Variants in CDH26 observed in about 807,000 individuals in gnomAD.
The protein encoded by CDH26 is cadherin 26.
Under a neutral mutation model 90.3 loss-of-function variants are expected in CDH26, and 83 were observed. That is an observed-to-expected ratio of 0.92 (90% CI 0.77 to 1.10). The LOEUF (loss-of-function observed/expected upper bound fraction) is 1.10, where lower values mean the gene tolerates loss of function less well. CDH26 is among the 50% of genes least tolerant of loss of function. The pLI, the probability that CDH26 is intolerant of heterozygous loss-of-function variation, is 0.00. For missense variants in CDH26, 1,013 were observed against 1,037.6 expected (o/e 0.98, Z 0.33); for synonymous variants, 397 against 396.3 (o/e 1.00, Z -0.02).
At position 60,031,419 on chromosome 20, in the gene CDH26, C is replaced by T. The variant is rs115087347; in HGVS notation, c.1137C>T (p.His379=). Residue 379 remains histidine, a synonymous_variant, in exon 8 of 9, where the codon CAC becomes CAT. Transcript: ENST00000370991. The stretch of plus-strand genomic sequence containing the variant: ...CTTTCAAGAAAGTTGTTTATGACCA[C>T]AAGGAAGGTTTGAGTCTCTATATTT... 1,395 of 1,160,032 alleles carry T rather than the reference C, an allele frequency of 1.2e-3. 15 individuals carry two copies. The African/African-American group carries it at 0.02, about 17-fold the overall frequency. The allele number at this position is 1,160,032 out of a possible 1,614,324, so 71.9% of individuals were successfully genotyped here.
intron 9 of CDH26, among the ~76,000 whole-genome samples, chr20:59,992,000 G>C (rs2061533408): frequency 6.6e-6 from 1 of 152,198 alleles, no homozygotes; most frequent in Non-Finnish European, 1.5e-5. Context: ...AAAGTCCTAG[G>C]TTTCTGTTGC....
At chr20:59,987,331 G>A in intron 7 of CDH26, 122 bp from the exon 8 acceptor site, 1 of 810,618 alleles carries the variant, frequency 1.2e-6, no homozygotes, top group Non-Finnish European at 1.9e-6. Context: ...GTGATGAGGA[G>A]CAACATTCTT....
At position 59,989,163 on chromosome 20, in the gene CDH26, G is replaced by A; in HGVS notation, c.1283G>A (p.Arg428Lys). Residue 428 changes from arginine to lysine, a missense_variant and splice_region_variant, in exon 9 of 18, where the codon AGA becomes AAA. Arg to Lys is a conservative substitution (Grantham distance 26, BLOSUM62 2). Coordinates refer to ENST00000348616, the MANE Select transcript of CDH26 (RefSeq NM_177980.4). ...GCCATGGATCCAGACAGCCAGATAAGGTGAGAAGAGAGGGCCAAGAAGGGC... is the reference window on the plus strand; with the variant it reads ...GCCATGGATCCAGACAGCCAGATAAAGTGAGAAGAGAGGGCCAAGAAGGGC... Reference protein sequence around the residue: ...FNAMDPDSQIRYELVHDPANW... With the variant: ...FNAMDPDSQIKYELVHDPANW... The A allele has an allele frequency of 6.2e-7, 1 of 1,613,812 alleles. No homozygotes were observed. Among genetic ancestry groups the A allele is most frequent in the East Asian group, 2.2e-5 (1 of 44,876 alleles).
intron 3 of CDH26, among the ~76,000 whole-genome samples, chr20:59,970,764 C>G (rs902648854): frequency 6.6e-6 from 1 of 151,196 alleles, no homozygotes; most frequent in Admixed American, 6.6e-5. Context: ...GAGCCAAGAT[C>G]GCACCACTGC....
intron 4 of CDH26, among the ~76,000 whole-genome samples, chr20:59,973,225 G>C (rs1270923612): frequency 6.6e-6 from 1 of 152,202 alleles, no homozygotes; most frequent in African/African-American, 2.4e-5. Context: ...TGCATGTCTA[G>C]CAAGCTCCAG....
intron 7 of CDH26, among the ~76,000 whole-genome samples, chr20:60,021,523 A>G (rs2061951397): frequency 6.6e-6 from 1 of 152,206 alleles, no homozygotes; most frequent in Non-Finnish European, 1.5e-5. Flanking sequence ...AGATGTATTC[A>G]TACCTTACAT....
rs770366539 is a variant in CDH26, at chr20:59,972,089, G to T, written c.359G>T (p.Arg120Leu). The T allele has an allele frequency of 1.2e-6, 2 of 1,613,854 alleles. No individual in the cohort carries two copies. The highest frequency in any genetic ancestry group is 8.5e-7 in the Non-Finnish European group (1 of 1,179,910). ...DHENGRIYVH[R>L]PVDREMTPSF... ...GAGAACGGAAGGATATATGTTCACC[G>T]CCCTGTCGATCGAGAAATGACACCA... Residue 120 changes from arginine (R) to leucine (L), a missense_variant, in exon 4 of 18, where the codon CGC (arginine) becomes CTC (leucine). By Grantham distance (102) the Arg-to-Leu change is moderately radical (BLOSUM62 -2). Transcript: ENST00000348616.
chr20:60,021,887 C>CATATAT (rs1446703881), intron 7 of CDH26, among the ~76,000 whole-genome samples: 5 of 88,132 alleles, frequency 5.7e-5, no homozygotes, highest in African/African-American at 1.9e-4. Context: ...CACACACACA[C>CATATAT]ACACACACAC....
At chr20:59,971,353 A>G (rs1003145285) in intron 3 of CDH26, among the ~76,000 whole-genome samples, 16 of 152,202 alleles carry the variant, frequency 1.1e-4, no homozygotes, top group African/African-American at 3.1e-4. Flanking sequence ...TCATCTGTAC[A>G]ATGCGGTCAA....
chr20:59,971,909 A>G (rs2061265901), intron 3 of CDH26, 53 bp from the exon 4 acceptor site: 1 of 1,429,454 alleles, frequency 7.0e-7, no homozygotes, highest in Non-Finnish European at 9.7e-7. Flanking sequence ...TGATTATCAT[A>G]GTGGCTTATT....
downstream of CDH26, among the ~76,000 whole-genome samples, chr20:60,017,660 T>G (rs902731758): frequency 6.6e-6 from 1 of 152,040 alleles, no homozygotes; most frequent in African/African-American, 2.4e-5. Flanking sequence ...GGGTTTCATT[T>G]CTTCTTGAAT....
At chr20:60,033,772 G>GGTGTGT (rs2062062973) in exon 9 of CDH26, 1 of 699,934 alleles carries the variant, frequency 1.4e-6, no homozygotes, top group Non-Finnish European at 1.8e-6. Context: ...AGGTAGACAA[G>GGTGTGT]ATGTGTGTGT....
chr20:59,974,803 G>A (rs1164528974), intron 4 of CDH26, among the ~76,000 whole-genome samples: 7 of 152,118 alleles, frequency 4.6e-5, no homozygotes, highest in South Asian at 2.1e-4. Flanking sequence ...GTCACTCTCC[G>A]TCTCATTACC....
rs6071044 is a variant in CDH26 at position 59,958,704 on chromosome 20, G to A, written c.-23G>A. ...GGACTGGTCATCAGCTGCACGTTCT[G>A]GGTCTGTCTTGGGTATTCCCATATG... On this transcript the variant is annotated 5_prime_UTR_variant, in exon 1 of 18. Transcript: ENST00000348616. 5.6e-6 allele frequency: 9 copies of A among 1,613,072 alleles called. 1 individual carries two copies. In the South Asian group the frequency reaches 9.9e-5, roughly 18 times the overall value.
chr20:59,958,766 C>T lies in CDH26; in HGVS notation c.40C>T (p.Leu14Phe). 1.2e-6 allele frequency: 2 copies of T among 1,614,086 alleles called. No homozygotes were observed. Among genetic ancestry groups the T allele is most frequent in the Non-Finnish European group, 1.7e-6 (2 of 1,179,984 alleles). The change falls in exon 1 of 18, where the codon CTT becomes TTT. Residue 14 changes from leucine to phenylalanine, a missense_variant. By Grantham distance (22) the Leu-to-Phe change is conservative. Coordinates refer to ENST00000348616, the MANE Select transcript of CDH26 (RefSeq NM_177980.4). Reference sequence around the variant, plus strand: ...CGGGAGGCACCCCTCGCTGCTGCTGCTTCTAGTGCTGCTGCTGTGGCTGCT... The same window carrying T: ...CGGGAGGCACCCCTCGCTGCTGCTGTTTCTAGTGCTGCTGCTGTGGCTGCT... Reference protein sequence around the residue: ...RSGRHPSLLLLLVLLLWLLQV... With the variant: ...RSGRHPSLLLFLVLLLWLLQV...
At chr20:60,002,051 A>C (rs540334015) in intron 15 of CDH26, among the ~76,000 whole-genome samples, 3 of 152,204 alleles carry the variant, frequency 2.0e-5, no homozygotes, top group African/African-American at 7.2e-5. Flanking sequence ...CACCAGTTTA[A>C]CTAGCCATTA....
Position 59,988,957 on chromosome 20 carries a change from T to G in CDH26, c.1077T>G (p.Asn359Lys), listed in dbSNP as rs1307754819. Residue 359 changes from asparagine to lysine, a missense_variant, in exon 9 of 18, where the codon AAT becomes AAG. By Grantham distance (94) the Asn-to-Lys change is moderately conservative. Transcript: ENST00000348616. ...AAAGCCTCATCATTGTCGTGGAGAA[T>G]GAGGAGAGGCTCGTCTTCTGTGAGA... ...PAQSLIIVVENEERLVFCERG... is the reference protein window; with the variant it reads ...PAQSLIIVVEKEERLVFCERG... 3 of 1,613,682 alleles carry G rather than the reference T, an allele frequency of 1.9e-6. No individual in the cohort carries two copies. The highest frequency in any genetic ancestry group is 1.7e-5 in the Admixed American group (1 of 59,996).
At chr20:60,021,300 A>G (rs1307241941) in intron 7 of CDH26, among the ~76,000 whole-genome samples, 1 of 152,228 alleles carries the variant, frequency 6.6e-6, no homozygotes, top group East Asian at 1.9e-4. Context: ...GTTCTTATAA[A>G]TAAAGCTTTG....
rs550749651 is a variant in CDH26, at chr20:60,007,571, G to A, written c.2295+784G>A. Among the ~76,000 whole-genome samples, 4 of 152,294 alleles carry A rather than the reference G, an allele frequency of 2.6e-5. No homozygotes were observed. In the East Asian group the frequency reaches 7.7e-4, roughly 29 times the overall value. ...AATTAAGCAGCAGGTTGATGCAAAC[G>A]GAGGGGCTGGTTATTTAGAACTTTC... On this transcript the variant is annotated intron_variant, in intron 17 of 17. Coordinates refer to ENST00000348616, the MANE Select transcript of CDH26 (RefSeq NM_177980.4).
Sources: gnomAD v4.1 joint callset for allele counts (sites outside exome capture counted in the v4.1 genomes callset) on GRCh38, gnomAD v4.1.1 for gene constraint, MANE v1.5 for transcripts, NCBI Gene and HGNC (gene_info 2026-07-23, HGNC 2026-07-21) for gene names.